The following ANKRD44 variants were observed in gnomAD, a reference collection of about 807,000 sequenced individuals.
The protein encoded by ANKRD44 is serine/threonine-protein phosphatase 6 regulatory ankyrin repeat subunit B.
In ANKRD44, 35 loss-of-function variants were observed where a neutral mutation model predicts 116.0. The observed-to-expected ratio is 0.30, with a 90% CI of 0.23 to 0.40. ANKRD44 has a LOEUF of 0.40. Ranked by LOEUF, ANKRD44 falls within the 10% of genes least tolerant of loss-of-function variation. ANKRD44 has a pLI of 1.00. For missense variants in ANKRD44, 1,014 were observed against 1,242.6 expected (o/e 0.82, Z 2.77); for synonymous variants, 435 against 461.8 (o/e 0.94, Z 0.74).
Position 197,078,598 on chromosome 2 carries a change from T to C in ANKRD44, c.1650+105A>G, listed in dbSNP as rs990115866. The C allele has an allele frequency of 2.6e-6, 4 of 1,536,880 alleles. No individual in the cohort carries two copies. The African/African-American group carries it at 4.1e-5, about 16-fold the overall frequency. On this transcript the variant is annotated intron_variant, in intron 16 of 27. Coordinates refer to ENST00000282272, the MANE Select transcript of ANKRD44 (RefSeq NM_001195144.2). ...AAATCCTGATTCATGGACCCACTTT[T>C]TACACAAGCCAGAGCTACAACTCTG...
chr2:197,106,876 G>A (rs1018731687), intron 9 of ANKRD44, among the ~76,000 whole-genome samples: 4 of 148,718 alleles, frequency 2.7e-5, no homozygotes, highest in African/African-American at 9.9e-5. Context: ...TTTGTTATCT[G>A]AAAACATGTT....
intron 1 of ANKRD44, among the ~76,000 whole-genome samples, chr2:197,260,165 T>C (rs1023304141): frequency 6.6e-6 from 1 of 152,200 alleles, no homozygotes; most frequent in Non-Finnish European, 1.5e-5. Flanking sequence ...ACGTGTGCCA[T>C]GTTGGTGTGC....
At chr2:197,003,813 G>A (rs1404884190) in intron 21 of ANKRD44, among the ~76,000 whole-genome samples, 1 of 151,960 alleles carries the variant, frequency 6.6e-6, no homozygotes, top group East Asian at 1.9e-4. Context: ...TGACCCAGAT[G>A]GGGGTCACCC....
intron 1 of ANKRD44, among the ~76,000 whole-genome samples, chr2:197,309,525 A>G (rs1396524098): frequency 6.6e-6 from 1 of 152,212 alleles, no homozygotes; most frequent in African/African-American, 2.4e-5. Flanking sequence ...TAACTGGAGA[A>G]CGCAAGGCAG....
intron 1 of ANKRD44, among the ~76,000 whole-genome samples, chr2:197,272,115 C>T (rs1449479931): frequency 2.6e-5 from 4 of 152,230 alleles, no homozygotes; most frequent in Admixed American, 2.6e-4. Context: ...AAGTCTGCAG[C>T]CTGCAACTAG....
In ANKRD44 at chr2:196,987,954, G is replaced by C. The variant is rs776990284; in HGVS notation, c.*1637C>G. The C allele has an allele frequency of 4.1e-6, 4 of 985,138 alleles. No homozygotes were observed. Among genetic ancestry groups the C allele is most frequent in the Non-Finnish European group, 3.6e-6 (3 of 829,846 alleles). 61.0% of individuals were successfully genotyped at this position (985,138 alleles called of 1,614,324 possible). On this transcript the variant is annotated 3_prime_UTR_variant, in exon 28 of 28. Transcript: ENST00000282272. ...TTTCTTTAAAAAAATTTTGCCTTGG[G>C]GTATGGGAGAAAGAGAAAGAGAGGA...
At position 197,110,768 on chromosome 2, in the gene ANKRD44, T is replaced by C. The variant is rs2125275448; in HGVS notation, c.983A>G (p.Asn328Ser). The C allele has an allele frequency of 1.2e-6, 2 of 1,612,844 alleles. No individual in the cohort carries two copies. The highest frequency in any genetic ancestry group is 2.2e-5 in the East Asian group (1 of 44,872). Residue 328 changes from asparagine (N) to serine (S), a missense_variant and splice_region_variant, in exon 9 of 28, where the codon AAT becomes AGT. Transcript: ENST00000282272. ...CACTACTGAAGCATCTCTCTTACCATTCTGAATGAGGGTCTGTGACCGTGT... is the reference window on the plus strand; with the variant it reads ...CACTACTGAAGCATCTCTCTTACCACTCTGAATGAGGGTCTGTGACCGTGT... ...RFTRSQTLIQNGGEIDCVDKD... is the reference protein window; with the variant it reads ...RFTRSQTLIQSGGEIDCVDKD...
At chr2:197,237,118 G>A (rs1405348181) in intron 1 of ANKRD44, among the ~76,000 whole-genome samples, 1 of 152,188 alleles carries the variant, frequency 6.6e-6, no homozygotes, top group East Asian at 1.9e-4. Context: ...GCCGTCAACT[G>A]TCGATCTTGT....
At chr2:197,044,905 C>A (rs1023906211) in intron 16 of ANKRD44, among the ~76,000 whole-genome samples, 1 of 151,808 alleles carries the variant, frequency 6.6e-6, no homozygotes, top group Non-Finnish European at 1.5e-5. Context: ...CGCATTTATT[C>A]ATTGTAACAG....
chr2:197,141,003 G>C (rs1342761661), intron 3 of ANKRD44, among the ~76,000 whole-genome samples: 1 of 152,184 alleles, frequency 6.6e-6, no homozygotes, highest in Non-Finnish European at 1.5e-5. Flanking sequence ...GAACACCTGA[G>C]GTCAGGAGTT....
chr2:197,188,107 CTTA>C (rs1422179999), intron 1 of ANKRD44, among the ~76,000 whole-genome samples: 1 of 152,154 alleles, frequency 6.6e-6, no homozygotes, highest in Non-Finnish European at 1.5e-5. Context: ...ACATCTACTG[CTTA>C]TTAAAAGTAA....
intron 3 of ANKRD44, among the ~76,000 whole-genome samples, chr2:197,141,587 C>T (rs1234212883): frequency 6.6e-6 from 1 of 152,162 alleles, no homozygotes; most frequent in Non-Finnish European, 1.5e-5. Context: ...GCATTGTTCG[C>T]GTGTAGCTTC....
At position 197,006,423 on chromosome 2, in the gene ANKRD44, C is replaced by T. The variant is rs2076204078; in HGVS notation, c.2131-513G>A. On this transcript the variant is annotated intron_variant, in intron 20 of 27. Transcript: ENST00000282272. ...TTGCGCCACTGCACTACGGCCTGGG[C>T]GACAGAGCAAGACTCCATCTCAAAA... 2.6e-5 allele frequency among the ~76,000 whole-genome samples: 4 copies of T among 152,072 alleles called. No individual in the cohort carries two copies. The South Asian group carries it at 6.3e-4, about 24-fold the overall frequency.
At chr2:197,142,446 AT>A (rs922072439) in intron 3 of ANKRD44, among the ~76,000 whole-genome samples, 1 of 152,204 alleles carries the variant, frequency 6.6e-6, no homozygotes, top group Non-Finnish European at 1.5e-5. Context: ...CTTGCTATTG[AT>A]TTTTTTAACA....
At chr2:197,084,519 A>C (rs59045310) in intron 13 of ANKRD44, among the ~76,000 whole-genome samples, 19,212 of 152,182 alleles carry the variant, frequency 0.13, 1,422 homozygotes, top group Non-Finnish European at 0.17. Flanking sequence ...AATGGGAAGA[A>C]CAATGCAGAA....
At chr2:197,069,207 C>A (rs1053867457) in intron 16 of ANKRD44, among the ~76,000 whole-genome samples, 4 of 152,134 alleles carry the variant, frequency 2.6e-5, no homozygotes, top group African/African-American at 9.6e-5. Context: ...GAGAAAAAAA[C>A]CAAACACTGC....
chr2:197,228,511 T>C (rs1404121545), intron 1 of ANKRD44, among the ~76,000 whole-genome samples: 1 of 152,172 alleles, frequency 6.6e-6, no homozygotes, highest in Non-Finnish European at 1.5e-5. Context: ...AGGTAGACTG[T>C]GAGAGTTCTA....
rs35158331 is a variant in ANKRD44 at position 196,989,509 on chromosome 2, TAC to T, written c.*80_*81del. 274 of 1,247,716 alleles carry T rather than the reference TAC, an allele frequency of 2.2e-4. No homozygotes were observed. Among genetic ancestry groups the T allele is most frequent in the Admixed American group, 6.1e-4 (18 of 29,586 alleles). 77.3% of individuals were successfully genotyped at this position (1,247,716 alleles called of 1,614,324 possible). A position where few individuals can be genotyped will look rare whatever the true frequency, so the allele number is the denominator to read the frequency against. On this transcript the variant is annotated 3_prime_UTR_variant, in exon 28 of 28. Transcript: ENST00000282272. ...CCTCATGTGTAGCTGGCTGATGAAC[TAC>T]ACACACACACACATATATATATATA...
At chr2:197,226,803 G>C (rs1395876410) in intron 1 of ANKRD44, among the ~76,000 whole-genome samples, 3 of 152,092 alleles carry the variant, frequency 2.0e-5, no homozygotes, top group African/African-American at 7.2e-5. Flanking sequence ...TAGGTAATTA[G>C]GCATGTTGCC....
Sources: gnomAD v4.1 joint callset for allele counts (sites outside exome capture counted in the v4.1 genomes callset) on GRCh38, gnomAD v4.1.1 for gene constraint, MANE v1.5 for transcripts, NCBI Gene and HGNC (gene_info 2026-07-23, HGNC 2026-07-21) for gene names.